PLXNA4: variants seen among roughly 807,000 people sequenced by gnomAD.
The protein encoded by PLXNA4 is plexin-A4.
In PLXNA4, 44 loss-of-function variants were observed where a neutral mutation model predicts 191.8. That is an observed-to-expected ratio of 0.23 (90% CI 0.18 to 0.29). PLXNA4 has a LOEUF of 0.29. Among genes scored for constraint, PLXNA4 ranks in the 10% least tolerant of loss-of-function variants. PLXNA4 has a pLI of 1.00. For synonymous variants in PLXNA4, 1,082 were observed against 1,009.5 expected (o/e 1.07, Z -1.36); for missense variants, 1,800 against 2,488.8 (o/e 0.72, Z 5.89).
At chr7:132,345,884 C>T (rs1803226575) in intron 3 of PLXNA4, among the ~76,000 whole-genome samples, 1 of 152,226 alleles carries the variant, frequency 6.6e-6, no homozygotes, top group Non-Finnish European at 1.5e-5. Context: ...CAGCCGTTCA[C>T]ATGACTCCCC....
chr7:132,553,540 G>A (rs1800658419), intron 1 of PLXNA4, among the ~76,000 whole-genome samples: 1 of 152,114 alleles, frequency 6.6e-6, no homozygotes, highest in Non-Finnish European at 1.5e-5. Context: ...GCCACACATA[G>A]GACCTTCCCA....
chr7:132,320,558 C>A (rs116151119), intron 3 of PLXNA4, among the ~76,000 whole-genome samples: 2 of 152,224 alleles, frequency 1.3e-5, no homozygotes, highest in Admixed American at 6.5e-5. Flanking sequence ...CAACCTGCAA[C>A]ACCCCACGAA....
In PLXNA4 at chr7:132,474,636, ACGCGCG is replaced by A. The variant is rs138304333; in HGVS notation, c.1371+14650_1371+14655del. On this transcript the variant is annotated intron_variant, in intron 3 of 31. Transcript: ENST00000321063. ...TGAGCACATGTACACACACACACAC[ACGCGCG>A]CGCACGCACACACACACAATTAAAT... Among the ~76,000 whole-genome samples the A allele has an allele frequency of 7.4e-4, 113 of 151,780 alleles. 1 individual carries two copies. The highest frequency in any genetic ancestry group is 2.5e-3 in the African/African-American group (103 of 41,396).
intron 22 of PLXNA4, among the ~76,000 whole-genome samples, chr7:132,167,719 C>A (rs1487932335): frequency 6.6e-6 from 1 of 151,944 alleles, no homozygotes; most frequent in African/African-American, 2.4e-5. Flanking sequence ...ATATTTTATT[C>A]TTGTAGAGAT....
At chr7:132,281,631 A>G (rs1187565284) in intron 4 of PLXNA4, among the ~76,000 whole-genome samples, 6 of 152,188 alleles carry the variant, frequency 3.9e-5, no homozygotes, top group Non-Finnish European at 8.8e-5. Context: ...TCATGCCATA[A>G]ATCCTTCTGA....
intron 3 of PLXNA4, among the ~76,000 whole-genome samples, chr7:132,455,778 C>T (rs1345419266): frequency 1.3e-5 from 2 of 152,088 alleles, no homozygotes; most frequent in Non-Finnish European, 2.9e-5. Flanking sequence ...CCCAGATGGT[C>T]CTCAGCCAGT....
rs1740140126 is a variant in PLXNA4, at chr7:132,552,397, A to AC, written c.-87+24024dup. Among the ~76,000 whole-genome samples the AC allele has an allele frequency of 2.0e-5, 3 of 151,970 alleles. No individual in the cohort carries two copies. In the South Asian group the frequency reaches 6.2e-4, roughly 32 times the overall value. On this transcript the variant is annotated intron_variant, in intron 1 of 31. Coordinates refer to ENST00000321063, the MANE Select transcript of PLXNA4 (RefSeq NM_020911.2). ...TTGTTTGGGGCTCTTTGTTACTCTT[A>AC]CCCCCCTTCAAAAATTCTGGTTCAC...
chr7:132,384,114 G>C (rs1181528932), intron 3 of PLXNA4: 1 of 985,310 alleles, frequency 1.0e-6, no homozygotes, highest in African/African-American at 1.7e-5. Flanking sequence ...ACAGATGAAG[G>C]TTCTCAAGAG....
intron 29 of PLXNA4, among the ~76,000 whole-genome samples, chr7:132,141,958 G>C (rs1429849643): frequency 6.6e-6 from 1 of 152,142 alleles, no homozygotes; most frequent in Non-Finnish European, 1.5e-5. Context: ...TTGAACTCCT[G>C]ATCTCAGTTG....
Position 132,349,864 on chromosome 7 carries a change from G to A in PLXNA4, c.1372-51642C>T, listed in dbSNP as rs575405335. Among the ~76,000 whole-genome samples, 43 of 151,800 alleles carry A rather than the reference G, an allele frequency of 2.8e-4. No homozygotes were observed. The South Asian group carries it at 7.3e-3, about 26-fold the overall frequency. On this transcript the variant is annotated intron_variant, in intron 3 of 31. Transcript: ENST00000321063. ...TGTCCCAACTCAACCCATCATCACC[G>A]TCCTTTTTTTTAAGTATATTTTTTC...
chr7:132,453,522 C>T (rs1231682974), intron 3 of PLXNA4, among the ~76,000 whole-genome samples: 2 of 151,102 alleles, frequency 1.3e-5, no homozygotes, highest in Non-Finnish European at 3.0e-5. Context: ...TCCAGTTTCC[C>T]ATTGCATCCT....
At chr7:132,426,626 C>T (rs1795056515) in intron 3 of PLXNA4, among the ~76,000 whole-genome samples, 2 of 152,154 alleles carry the variant, frequency 1.3e-5, no homozygotes, top group African/African-American at 4.8e-5. Context: ...CACTGAGACC[C>T]TCCTTTCTAT....
chr7:132,480,945 C>G (rs1416631092), intron 3 of PLXNA4, among the ~76,000 whole-genome samples: 2 of 152,182 alleles, frequency 1.3e-5, no homozygotes, highest in East Asian at 3.9e-4. Context: ...GCCGAGGCAG[C>G]CAGCTGAGGC....
intron 9 of PLXNA4, among the ~76,000 whole-genome samples, chr7:132,216,390 C>T (rs2060723): frequency 0.48 from 73,696 of 151,990 alleles, 19,438 homozygotes; most frequent in African/African-American, 0.66. Flanking sequence ...TGGCATTCAG[C>T]AAACCAGTGA....
At chr7:132,463,744 C>A (rs147110820) in intron 3 of PLXNA4, among the ~76,000 whole-genome samples, 62 of 152,224 alleles carry the variant, frequency 4.1e-4, no homozygotes, top group African/African-American at 1.4e-3. Flanking sequence ...GACTATGAAT[C>A]CACATGCCCC....
intron 1 of PLXNA4, among the ~76,000 whole-genome samples, chr7:132,557,860 A>G (rs1342598834): frequency 1.3e-5 from 2 of 152,094 alleles, no homozygotes; most frequent in Non-Finnish European, 2.9e-5. Context: ...CAGGATGTGT[A>G]ATGCCCTCTA....
chr7:132,351,804 C>T (rs1803498766), intron 3 of PLXNA4, among the ~76,000 whole-genome samples: 1 of 152,146 alleles, frequency 6.6e-6, no homozygotes, highest in Non-Finnish European at 1.5e-5. Flanking sequence ...ATGCGCCCAC[C>T]TCCTGCTCAC....
chr7:132,203,297 CCTGCTAGGCCCCAG>C lies in PLXNA4; in HGVS notation c.2395+12_2395+25del, dbSNP rs2116866496. ...CTACCCCATCCCTTCCCCTCCCTCC[CCTGCTAGGCCCCAG>C]CCCTTCCACACCTTTATTCTGAGCT... On this transcript the variant is annotated intron_variant, in intron 11 of 31. Transcript: ENST00000321063. The C allele has an allele frequency of 1.3e-6, 2 of 1,593,540 alleles. No homozygotes were observed. Among genetic ancestry groups the C allele is most frequent in the Non-Finnish European group, 8.6e-7 (1 of 1,162,244 alleles).
intron 3 of PLXNA4, among the ~76,000 whole-genome samples, chr7:132,409,371 C>T (rs1489604224): frequency 6.6e-6 from 1 of 152,224 alleles, no homozygotes; most frequent in Non-Finnish European, 1.5e-5. Context: ...GACGTCTTCC[C>T]TTGACCAAAC....
Sources: allele counts gnomAD v4.1 joint callset (sites outside exome capture counted in the v4.1 genomes callset), GRCh38; gene constraint gnomAD v4.1.1; transcripts MANE v1.5; gene names NCBI Gene and HGNC (gene_info 2026-07-23, HGNC 2026-07-21).